HHLA2: variants seen among roughly 807,000 people sequenced by gnomAD.
HHLA2 encodes the protein HERV-H LTR-associating protein 2.
Under a neutral mutation model 45.9 loss-of-function variants are expected in HHLA2, and 48 were observed. The ratio of observed to expected loss-of-function variants is 1.05; its 90% CI spans 0.83 to 1.33. The LOEUF (loss-of-function observed/expected upper bound fraction) is 1.33. HHLA2 is among the 40% of genes most tolerant of loss of function. The pLI is 0.00. For synonymous variants in HHLA2, 161 were observed against 173.9 expected (o/e 0.93, Z 0.59); for missense variants, 462 against 494.3 (o/e 0.93, Z 0.62).
At chr3:108,352,630 T>C (rs1218481638) in intron 4 of HHLA2, among the ~76,000 whole-genome samples, 1 of 152,230 alleles carries the variant, frequency 6.6e-6, no homozygotes, top group Non-Finnish European at 1.5e-5. Context: ...CCTTCAATGA[T>C]AGGAAGTGTC....
In HHLA2 at chr3:108,354,720, A is replaced by T. The variant is rs117512547; in HGVS notation, c.419-395A>T. Among the ~76,000 whole-genome samples the T allele has an allele frequency of 1.7e-3, 265 of 152,244 alleles. 3 individuals are homozygous for T. The East Asian group carries it at 0.032, about 19-fold the overall frequency. On this transcript the variant is annotated intron_variant, in intron 5 of 10. Coordinates refer to ENST00000619531, the Ensembl canonical transcript of HHLA2. ...CAGACCTTGATTCAGAAATCACAAA[A>T]TTATGTGTAAACAGTCAAATAGGTG...
intron 2 of HHLA2, among the ~76,000 whole-genome samples, chr3:108,313,880 C>T (rs79794012): frequency 6.6e-6 from 1 of 152,298 alleles, no homozygotes; most frequent in Non-Finnish European, 1.5e-5. Context: ...AGGAACTGAA[C>T]TCCGAGCATA....
chr3:108,337,241 A>T (rs988130104), intron 3 of HHLA2, among the ~76,000 whole-genome samples: 1 of 152,100 alleles, frequency 6.6e-6, no homozygotes. Flanking sequence ...TGTTAATTTC[A>T]TTTTTCTAGC....
intron 4 of HHLA2, among the ~76,000 whole-genome samples, chr3:108,352,687 T>G (rs2081802467): frequency 6.6e-6 from 1 of 152,268 alleles, no homozygotes; most frequent in Admixed American, 6.5e-5. Flanking sequence ...TGATTTCATT[T>G]GCTTTTTGAA....
chr3:108,355,078 T>C (rs1217862428), intron 5 of HHLA2, 37 bp from the exon 5 acceptor site: 10 of 1,582,284 alleles, frequency 6.3e-6, no homozygotes, highest in African/African-American at 1.4e-5. Context: ...AAGCTAATGA[T>C]GGCAGTTTTT....
chr3:108,365,338 T>C (rs2082046928), intron 8 of HHLA2, among the ~76,000 whole-genome samples: 1 of 152,216 alleles, frequency 6.6e-6, no homozygotes, highest in African/African-American at 2.4e-5. Context: ...AGGCCTGTGT[T>C]CTGCTCCATT....
At chr3:108,347,724 T>C (rs566227763) in intron 3 of HHLA2, among the ~76,000 whole-genome samples, 1 of 152,170 alleles carries the variant, frequency 6.6e-6, no homozygotes, top group East Asian at 1.9e-4. Context: ...TGGAGCAGGA[T>C]GGTAATGGTA....
intron 2 of HHLA2, among the ~76,000 whole-genome samples, chr3:108,311,991 T>G (rs867252701): frequency 6.6e-6 from 1 of 152,196 alleles, no homozygotes; most frequent in Non-Finnish European, 1.5e-5. Flanking sequence ...TGCCTTTCCC[T>G]CTGGCTTCTG....
intron 3 of HHLA2, among the ~76,000 whole-genome samples, chr3:108,347,064 A>G (rs978456753): frequency 3.3e-5 from 5 of 152,166 alleles, no homozygotes; most frequent in Non-Finnish European, 5.9e-5. Flanking sequence ...GCCCTTTTGT[A>G]AGGGTGCTGA....
intron 8 of HHLA2, among the ~76,000 whole-genome samples, chr3:108,369,178 G>A (rs2107502990): frequency 6.6e-6 from 1 of 152,282 alleles, no homozygotes; most frequent in East Asian, 1.9e-4. Flanking sequence ...AAACCAATGA[G>A]AATGAAGACA....
intron 7 of HHLA2, among the ~76,000 whole-genome samples, chr3:108,358,736 CCTT>C (rs1413304256): frequency 6.6e-6 from 1 of 152,186 alleles, no homozygotes; most frequent in African/African-American, 2.4e-5. Flanking sequence ...ATGAAGCTGA[CCTT>C]CTAGGTGAGC....
At chr3:108,327,949 G>A (rs1382544561) in intron 2 of HHLA2, among the ~76,000 whole-genome samples, 10 of 151,926 alleles carry the variant, frequency 6.6e-5, no homozygotes, top group South Asian at 2.1e-4. Flanking sequence ...CCTGGCCAAC[G>A]TGGTGAAACC....
intron 8 of HHLA2, among the ~76,000 whole-genome samples, chr3:108,373,822 TAA>T (rs2082223793): frequency 6.6e-6 from 1 of 151,730 alleles, no homozygotes; most frequent in South Asian, 2.1e-4. Context: ...CTCAATGAAA[TAA>T]AAGAGGATAC....
chr3:108,366,361 G>A (rs548657890), intron 8 of HHLA2, among the ~76,000 whole-genome samples: 2 of 152,264 alleles, frequency 1.3e-5, no homozygotes, highest in African/African-American at 4.8e-5. Context: ...CTTTTTGATG[G>A]GCTGTGGATT....
At chr3:108,297,469 C>T (rs1386526245) in intron 1 of HHLA2, among the ~76,000 whole-genome samples, 2 of 152,208 alleles carry the variant, frequency 1.3e-5, no homozygotes, top group East Asian at 1.9e-4. Flanking sequence ...CATCATTAAC[C>T]AGTTGTATAT....
chr3:108,374,401 T>G (rs1576189361), intron 8 of HHLA2, among the ~76,000 whole-genome samples: 1 of 151,094 alleles, frequency 6.6e-6, no homozygotes, highest in African/African-American at 2.4e-5. Context: ...GGCAATACCA[T>G]TCAGGACATA....
At chr3:108,357,880 T>A in exon 7 of HHLA2, 1 of 1,613,324 alleles carries the variant, frequency 6.2e-7, no homozygotes, top group Non-Finnish European at 8.5e-7. Context: ...CACGTTTCAC[T>A]CTCATGTCAA....
chr3:108,327,530 T>A (rs2081307407), intron 2 of HHLA2, among the ~76,000 whole-genome samples: 1 of 152,202 alleles, frequency 6.6e-6, no homozygotes, highest in African/African-American at 2.4e-5. Flanking sequence ...GAATACTTTC[T>A]TACAGATCAA....
intron 2 of HHLA2, chr3:108,311,783 C>T (rs1236060208): frequency 6.6e-6 from 1 of 152,174 alleles, no homozygotes; most frequent in Non-Finnish European, 1.5e-5. Context: ...TGTCCCCAAA[C>T]TAGTTTACTC....
Sources: allele counts gnomAD v4.1 joint callset (sites outside exome capture counted in the v4.1 genomes callset), GRCh38; gene constraint gnomAD v4.1.1; transcripts MANE v1.5; gene names NCBI Gene and HGNC (gene_info 2026-07-23, HGNC 2026-07-21).